The following LRP1B variants were observed in gnomAD, a reference collection of about 807,000 sequenced individuals.
LRP1B encodes the protein low-density lipoprotein receptor-related protein 1B.
LRP1B carries 217 observed loss-of-function variants against 556.6 expected under a neutral mutation model. That is an observed-to-expected ratio of 0.39 (90% CI 0.35 to 0.44). The LOEUF (loss-of-function observed/expected upper bound fraction) is 0.44, where lower values mean the gene tolerates loss of function less well. Ranked by LOEUF, LRP1B falls within the 20% of genes least tolerant of loss-of-function variation. The pLI is 1.00. For synonymous variants in LRP1B, 2,047 were observed against 1,865.8 expected (o/e 1.10, Z -2.50); for missense variants, 5,053 against 5,620.8 (o/e 0.90, Z 3.23).
intron 3 of LRP1B, among the ~76,000 whole-genome samples, chr2:141,304,475 A>ATTTT (rs67213971): frequency 8.3e-5 from 7 of 83,856 alleles, no homozygotes; most frequent in African/African-American, 1.9e-4. Context: ...AGTTTCATTC[A>ATTTT]TTTTTTTTTT....
chr2:140,700,034 G>C (rs10754917), intron 41 of LRP1B, among the ~76,000 whole-genome samples: 124,057 of 147,460 alleles, frequency 0.84, 51,944 homozygotes, highest in Admixed American at 0.87. Context: ...TGATTAGAAG[G>C]TAATAATCAT....
chr2:140,542,563 A>G (rs1680177517), intron 43 of LRP1B, among the ~76,000 whole-genome samples: 1 of 152,140 alleles, frequency 6.6e-6, no homozygotes, highest in Non-Finnish European at 1.5e-5. Context: ...AATATAGTAA[A>G]CAACACTTTT....
chr2:140,998,948 C>T (rs1697332172), intron 15 of LRP1B, among the ~76,000 whole-genome samples: 1 of 152,058 alleles, frequency 6.6e-6, no homozygotes, highest in Admixed American at 6.6e-5. Flanking sequence ...CTAAATCAGA[C>T]ATCCAGAAGA....
intron 2 of LRP1B, among the ~76,000 whole-genome samples, chr2:141,486,287 T>A (rs1654181610): frequency 6.6e-6 from 1 of 152,206 alleles, no homozygotes; most frequent in Non-Finnish European, 1.5e-5. Flanking sequence ...ATTTCACTTC[T>A]TACACTAAAT....
At chr2:141,546,989 AG>A (rs1194536482) in intron 2 of LRP1B, among the ~76,000 whole-genome samples, 1 of 152,150 alleles carries the variant, frequency 6.6e-6, no homozygotes, top group Non-Finnish European at 1.5e-5. Context: ...CCAAAGTTCC[AG>A]CATCCCTTTT....
chr2:140,863,395 A>C (rs1318426374), intron 27 of LRP1B, among the ~76,000 whole-genome samples: 1 of 151,972 alleles, frequency 6.6e-6, no homozygotes, highest in Non-Finnish European at 1.5e-5. Context: ...AAAATGTCAA[A>C]CCCCACCTAA....
At chr2:140,473,466 C>T (rs1264392979) in intron 60 of LRP1B, among the ~76,000 whole-genome samples, 1 of 151,872 alleles carries the variant, frequency 6.6e-6, no homozygotes, top group East Asian at 1.9e-4. Flanking sequence ...TCCAAAGTCA[C>T]CACCAGTGTT....
At chr2:141,101,661 G>T (rs1318508321) in intron 7 of LRP1B, among the ~76,000 whole-genome samples, 4 of 152,102 alleles carry the variant, frequency 2.6e-5, no homozygotes, top group African/African-American at 4.8e-5. Context: ...GTAAGTAAAT[G>T]GCAACATGAA....
At chr2:141,347,056 T>C (rs1203658337) in intron 3 of LRP1B, among the ~76,000 whole-genome samples, 1 of 152,104 alleles carries the variant, frequency 6.6e-6, no homozygotes, top group Non-Finnish European at 1.5e-5. Context: ...ATTATTAATA[T>C]AAAAAGAAAC....
chr2:140,742,231 A>C (rs1427324773), intron 35 of LRP1B, among the ~76,000 whole-genome samples: 1 of 152,230 alleles, frequency 6.6e-6, no homozygotes, highest in Non-Finnish European at 1.5e-5. Flanking sequence ...GTACAGGCAC[A>C]GGGTGGGTGA....
chr2:140,435,989 T>TCA (rs955672409), intron 66 of LRP1B, among the ~76,000 whole-genome samples: 27 of 150,248 alleles, frequency 1.8e-4, no homozygotes, highest in Non-Finnish European at 2.5e-4. Flanking sequence ...TCTCTCTCTC[T>TCA]CACACACACA....
chr2:140,700,781 T>C (rs1269373908), intron 40 of LRP1B, among the ~76,000 whole-genome samples, 160 bp from the exon 41 acceptor site: 2 of 152,182 alleles, frequency 1.3e-5, no homozygotes, highest in African/African-American at 4.8e-5. Context: ...AGTATTGTTT[T>C]TTAAAAAATC....
intron 25 of LRP1B, among the ~76,000 whole-genome samples, chr2:140,882,701 T>C (rs1386714958): frequency 6.6e-6 from 1 of 152,196 alleles, no homozygotes; most frequent in Non-Finnish European, 1.5e-5. Context: ...TCCCAATCTA[T>C]TGACTTCTGA....
chr2:141,283,826 A>G (rs1297352507), intron 3 of LRP1B, among the ~76,000 whole-genome samples: 1 of 148,984 alleles, frequency 6.7e-6, no homozygotes, highest in East Asian at 2.0e-4. Flanking sequence ...GACACTTTAA[A>G]AGAAAAAAAA....
chr2:141,413,979 C>T (rs1442136707), intron 3 of LRP1B, among the ~76,000 whole-genome samples: 1 of 151,428 alleles, frequency 6.6e-6, no homozygotes, highest in Non-Finnish European at 1.5e-5. Flanking sequence ...GCCTGTAATC[C>T]CAGCACTTTG....
At chr2:141,394,610 T>C (rs1375845487) in intron 3 of LRP1B, among the ~76,000 whole-genome samples, 1 of 152,112 alleles carries the variant, frequency 6.6e-6, no homozygotes, top group Non-Finnish European at 1.5e-5. Flanking sequence ...ATGATTTGAA[T>C]ACTAAATGGT....
intron 87 of LRP1B, among the ~76,000 whole-genome samples, chr2:140,246,241 G>A (rs967845467): frequency 3.3e-5 from 5 of 151,214 alleles, no homozygotes; most frequent in South Asian, 2.1e-4. Context: ...CAGCAGTAAA[G>A]GACTAGGGAA....
At chr2:141,150,479 A>G (rs1009567137) in intron 7 of LRP1B, among the ~76,000 whole-genome samples, 10 of 152,160 alleles carry the variant, frequency 6.6e-5, no homozygotes, top group African/African-American at 2.4e-4. Flanking sequence ...TCATTAATCA[A>G]CTTTGTCCAT....
chr2:140,579,982 G>A (rs750906879), intron 43 of LRP1B, among the ~76,000 whole-genome samples: 1 of 152,200 alleles, frequency 6.6e-6, no homozygotes, highest in Non-Finnish European at 1.5e-5. Context: ...TGCAAATGGA[G>A]AAAATCCATT....
Sources: gnomAD v4.1 joint callset for allele counts (sites outside exome capture counted in the v4.1 genomes callset) on GRCh38, gnomAD v4.1.1 for gene constraint, MANE v1.5 for transcripts, NCBI Gene and HGNC (gene_info 2026-07-23, HGNC 2026-07-21) for gene names.